Variants in RAD50 observed in about 807,000 individuals in gnomAD.
RAD50 encodes RAD50 double strand break repair protein.
In RAD50, 132 loss-of-function variants were observed where a neutral mutation model predicts 168.8. That is an observed-to-expected ratio of 0.78 (90% CI 0.68 to 0.90). The LOEUF is 0.90. Among genes scored for constraint, RAD50 ranks in the 40% least tolerant of loss-of-function variants. The pLI, the probability that RAD50 is intolerant of heterozygous loss-of-function variation, is 0.00. For missense variants in RAD50, 1,347 were observed against 1,534.4 expected, an observed-to-expected ratio of 0.88 and a Z score of 2.04; for synonymous variants, 525 against 497.4, an observed-to-expected ratio of 1.06 and a Z score of -0.74.
At chr5:132,638,309 G>A in intron 23 of RAD50, 86 bp downstream of exon 23, 4 of 1,491,492 alleles carry the variant, frequency 2.7e-6, no homozygotes, top group Non-Finnish European at 3.7e-6. Context: ...AGCACCCAAG[G>A]CTACACCTGA....
Position 132,624,486 on chromosome 5 carries a change from G to C in RAD50, c.3389+6192G>C, listed in dbSNP as rs111719605. Reference sequence around the variant, plus strand: ...TTAGTTCTTTAACAACAGATGCTGTGTATCTAATAGACTTATCAAACATTC... The same window carrying C: ...TTAGTTCTTTAACAACAGATGCTGTCTATCTAATAGACTTATCAAACATTC... On this transcript the variant is annotated intron_variant, in intron 21 of 24. Coordinates refer to ENST00000378823, the MANE Select transcript of RAD50 (RefSeq NM_005732.4). Among the ~76,000 whole-genome samples the C allele has an allele frequency of 1.7e-3, 263 of 152,184 alleles. 2 individuals are homozygous for C. The highest frequency in any genetic ancestry group is 6.2e-3 in the African/African-American group (257 of 41,516).
intron 21 of RAD50, among the ~76,000 whole-genome samples, chr5:132,626,705 T>C (rs890187435): frequency 6.6e-6 from 1 of 152,166 alleles, no homozygotes; most frequent in South Asian, 2.1e-4. Flanking sequence ...AATTGAATAC[T>C]ACATGATAGC....
At position 132,603,288 on chromosome 5, in the gene RAD50, T is replaced by C. The variant is rs774671349; in HGVS notation, c.2208-12T>C. 1 of 1,600,328 alleles carries C rather than the reference T, an allele frequency of 6.2e-7. No homozygotes were observed. The highest frequency in any genetic ancestry group is 1.1e-5 in the South Asian group (1 of 89,920). ...ATCAGATACTTTATTTTTAATTGTGTTTTCTATTTAGGCAAAGCATAATTG... is the reference window on the plus strand; with the variant it reads ...ATCAGATACTTTATTTTTAATTGTGCTTTCTATTTAGGCAAAGCATAATTG... On this transcript the variant is annotated splice_polypyrimidine_tract_variant and intron_variant, in intron 13 of 24. Coordinates refer to ENST00000378823, the MANE Select transcript of RAD50 (RefSeq NM_005732.4).
intron 21 of RAD50, among the ~76,000 whole-genome samples, chr5:132,618,925 A>T (rs1295170882): frequency 3.9e-5 from 6 of 152,184 alleles, no homozygotes; most frequent in Non-Finnish European, 8.8e-5. Context: ...CCAGTGACAA[A>T]GATTTTTACT....
intron 13 of RAD50, among the ~76,000 whole-genome samples, chr5:132,598,379 G>A (rs559983164): frequency 6.6e-6 from 1 of 152,294 alleles, no homozygotes; most frequent in African/African-American, 2.4e-5. Context: ...TAAGGTGCAT[G>A]TCTTACTCGT....
chr5:132,557,709 GCTCA>G (rs1561627311), intron 1 of RAD50, among the ~76,000 whole-genome samples: 1 of 152,076 alleles, frequency 6.6e-6, no homozygotes, highest in Non-Finnish European at 1.5e-5. Context: ...AGCTGTCGCC[GCTCA>G]CTCAGAGTTC....
At position 132,604,867 on chromosome 5, in the gene RAD50, T is replaced by C. The variant is rs1060504390; in HGVS notation, c.2586T>C (p.His862=). 9 of 1,613,760 alleles carry C rather than the reference T, an allele frequency of 5.6e-6. No homozygotes were observed. Among genetic ancestry groups the C allele is most frequent in the Non-Finnish European group, 6.8e-6 (8 of 1,179,754 alleles). Residue 862 remains histidine (H), a synonymous_variant, in exon 16 of 25, where the codon CAT becomes CAC. Coordinates refer to ENST00000378823, the MANE Select transcript of RAD50 (RefSeq NM_005732.4). The part of the protein sequence containing the change: ...LIQDQQEQIQ[H]LKSTTNELKS... The stretch of plus-strand genomic sequence containing the variant: ...AGGACCAGCAGGAACAGATTCAACA[T>C]CTAAAAAGTACAACAAATGAGCTAA...
At chr5:132,558,938 A>G (rs1750070088) in intron 1 of RAD50, among the ~76,000 whole-genome samples, 1 of 152,112 alleles carries the variant, frequency 6.6e-6, no homozygotes, top group African/African-American at 2.4e-5. Context: ...CCTGGAGTTA[A>G]TGTGAGAATT....
At chr5:132,625,296 C>T (rs981159033) in intron 21 of RAD50, among the ~76,000 whole-genome samples, 24 of 151,994 alleles carry the variant, frequency 1.6e-4, no homozygotes, top group East Asian at 3.9e-4. Context: ...CCGTTTTAGC[C>T]GGGATGGTCT....
chr5:132,637,266 C>T lies in RAD50; in HGVS notation c.3475+66C>T, dbSNP rs922238836. On this transcript the variant is annotated intron_variant, in intron 22 of 24. Transcript: ENST00000378823. ...CTCTCCGCAGCTCTTCCCCTTATGACCTCTCATCATGCCAGCATTACCTCC... is the reference window on the plus strand; with the variant it reads ...CTCTCCGCAGCTCTTCCCCTTATGATCTCTCATCATGCCAGCATTACCTCC... 2.9e-5 allele frequency: 45 copies of T among 1,564,074 alleles called. No homozygotes were observed. In the Admixed American group the frequency reaches 7.5e-4, roughly 26 times the overall value.
chr5:132,639,483 A>C (rs773352690), intron 23 of RAD50, among the ~76,000 whole-genome samples: 1 of 152,184 alleles, frequency 6.6e-6, no homozygotes, highest in Non-Finnish European at 1.5e-5. Context: ...CAAACTTGTG[A>C]TCTGTAATCA....
intron 8 of RAD50, 37 bp from the exon 9 acceptor site, chr5:132,589,594 T>G (rs1223885291): frequency 6.8e-7 from 1 of 1,467,812 alleles, no homozygotes; most frequent in African/African-American, 1.4e-5. Flanking sequence ...AATTGTTTAG[T>G]AAATTATTAA....
chr5:132,565,213 C>G (rs1341847186), intron 2 of RAD50, among the ~76,000 whole-genome samples: 6 of 152,146 alleles, frequency 3.9e-5, no homozygotes, highest in African/African-American at 7.2e-5. Flanking sequence ...CCTGAGGTCT[C>G]CCCAGTCTTG....
intron 21 of RAD50, among the ~76,000 whole-genome samples, chr5:132,621,019 C>T (rs563972290): frequency 1.3e-4 from 20 of 152,218 alleles, no homozygotes; most frequent in Admixed American, 1.3e-3. Context: ...AGAAAATCTA[C>T]ATAAACATAG....
intron 5 of RAD50, among the ~76,000 whole-genome samples, chr5:132,584,849 A>C (rs1274948383): frequency 6.6e-6 from 1 of 151,540 alleles, no homozygotes. Context: ...GCAAGAACAA[A>C]AAACCAAACA....
intron 19 of RAD50, among the ~76,000 whole-genome samples, chr5:132,613,106 TTA>T: frequency 6.6e-6 from 1 of 152,130 alleles, no homozygotes; most frequent in East Asian, 1.9e-4. Context: ...CAGCTAATTT[TTA>T]TGTTTCCATA....
In RAD50 at chr5:132,557,150, CT is replaced by C. The variant is rs559227153; in HGVS notation, c.-174del. The C allele has an allele frequency of 2.4e-4, 212 of 877,722 alleles. 1 individual carries two copies. In the African/African-American group the frequency reaches 3.1e-3, roughly 13 times the overall value. 54.4% of individuals were successfully genotyped at this position (877,722 alleles called of 1,614,324 possible). On this transcript the variant is annotated 5_prime_UTR_variant, in exon 1 of 25. Transcript: ENST00000378823. Reference sequence around the variant, plus strand: ...GAGGAAAGGCTCCATCCCCCGCCCCCTCTCTCCCGCTGTTGGCTGGCAGGAT... The same window carrying C: ...GAGGAAAGGCTCCATCCCCCGCCCCCCTCTCCCGCTGTTGGCTGGCAGGAT...
At chr5:132,583,692 T>C (rs1437941921) in intron 5 of RAD50, among the ~76,000 whole-genome samples, 2 of 84,332 alleles carry the variant, frequency 2.4e-5, no homozygotes, top group African/African-American at 1.4e-4. Flanking sequence ...ATTCATTCCT[T>C]TTTTTTTTTT....
In RAD50 at chr5:132,618,656, G is replaced by A. The variant is rs59490169; in HGVS notation, c.3389+362G>A. 9.8e-3 allele frequency among the ~76,000 whole-genome samples: 1,496 copies of A among 152,294 alleles called. 22 individuals carry two copies. Among genetic ancestry groups the A allele is most frequent in the African/African-American group, 0.035 (1,439 of 41,556 alleles). On this transcript the variant is annotated intron_variant, in intron 21 of 24. Transcript: ENST00000378823. ...GCCTCCCAAAGTGCTGGGATTACAG[G>A]CATGAGCCACTGCGCCCAGCCCCTC... is the stretch of plus-strand genomic sequence containing the variant.
Sources: allele counts gnomAD v4.1 joint callset (sites outside exome capture counted in the v4.1 genomes callset), GRCh38; gene constraint gnomAD v4.1.1; transcripts MANE v1.5; gene names NCBI Gene and HGNC (gene_info 2026-07-23, HGNC 2026-07-21).